Variants in SLC1A4 observed in about 807,000 individuals in gnomAD.
SLC1A4 encodes neutral amino acid transporter A.
SLC1A4 carries 19 observed loss-of-function variants against 37.7 expected under a neutral mutation model. The observed-to-expected ratio is 0.50, with a 90% CI of 0.35 to 0.74. SLC1A4 has a LOEUF of 0.74. Among genes scored for constraint, SLC1A4 ranks in the 30% least tolerant of loss-of-function variants. The pLI is 0.01. For synonymous variants in SLC1A4, 299 were observed against 309.8 expected, an observed-to-expected ratio of 0.97 and a Z score of 0.37; for missense variants, 570 against 712.9, an observed-to-expected ratio of 0.80 and a Z score of 2.28.
chr2:65,017,941 C>T, intron 5 of SLC1A4, 130 bp from the exon 6 acceptor site: 1 of 733,922 alleles, frequency 1.4e-6, no homozygotes, highest in Non-Finnish European at 2.2e-6. Flanking sequence ...TGTTTTTTCC[C>T]TTATTTCAAG....
intron 1 of SLC1A4, among the ~76,000 whole-genome samples, chr2:64,997,785 TA>T (rs1673315272): frequency 6.6e-6 from 1 of 152,216 alleles, no homozygotes; most frequent in African/African-American, 2.4e-5. Context: ...TGCAGGCATA[TA>T]TTTTTATATT....
At chr2:64,997,034 G>C (rs567559993) in intron 1 of SLC1A4, among the ~76,000 whole-genome samples, 2 of 152,264 alleles carry the variant, frequency 1.3e-5, no homozygotes, top group Non-Finnish European at 2.9e-5. Flanking sequence ...GTAGAGGACA[G>C]AGAAACATGT....
At chr2:65,001,267 T>C (rs1673447331) in intron 1 of SLC1A4, 181 bp from the exon 2 acceptor site, 1 of 595,844 alleles carries the variant, frequency 1.7e-6, no homozygotes, top group South Asian at 2.0e-5. Context: ...ACAGGTACCA[T>C]GGCTCACGCC....
Position 65,018,048 on chromosome 2 carries a change from C to A in SLC1A4, c.1035-23C>A. ...TGCCTCGGACTGTTGTCATGTCTGG[C>A]GGTTTGTTTTTCCCATTTCTAGCTC... On this transcript the variant is annotated intron_variant, in intron 5 of 7. Transcript: ENST00000234256. The surrounding 1 kb of genome is among the most constrained non-coding windows in gnomAD (Gnocchi z 4.3). The A allele has an allele frequency of 6.2e-7, 1 of 1,605,450 alleles. No homozygotes were observed. Among genetic ancestry groups the A allele is most frequent in the South Asian group, 1.1e-5 (1 of 90,716 alleles).
chr2:65,019,163 G>A (rs1043647279), intron 7 of SLC1A4, among the ~76,000 whole-genome samples: 6 of 152,192 alleles, frequency 3.9e-5, no homozygotes, highest in African/African-American at 1.4e-4. Flanking sequence ...AAGAAGGTGT[G>A]ATCCAGACCA....
At chr2:65,005,694 TA>T (rs200208028) in intron 3 of SLC1A4, among the ~76,000 whole-genome samples, 3 of 140,306 alleles carry the variant, frequency 2.1e-5, no homozygotes, top group Admixed American at 1.5e-4. Context: ...TTGACCAGTT[TA>T]AAAAAAACTA....
At chr2:65,005,298 C>T (rs1005146794) in intron 3 of SLC1A4, among the ~76,000 whole-genome samples, 4 of 152,216 alleles carry the variant, frequency 2.6e-5, no homozygotes, top group African/African-American at 9.6e-5. Flanking sequence ...ACACCACAAT[C>T]ATTATGACAA....
Position 65,006,448 on chromosome 2 carries a change from T to A in SLC1A4, c.633+2433T>A, listed in dbSNP as rs938856655. Reference sequence around the variant, plus strand: ...TGGAGGTTGCAGTGAGCTGAGATTCTGCCACTGCACTCCAGCCTGGGCAAC... The same window carrying A: ...TGGAGGTTGCAGTGAGCTGAGATTCAGCCACTGCACTCCAGCCTGGGCAAC... On this transcript the variant is annotated intron_variant, in intron 3 of 7. Coordinates refer to ENST00000234256, the MANE Select transcript of SLC1A4 (RefSeq NM_003038.5). Among the ~76,000 whole-genome samples the A allele has an allele frequency of 6.6e-5, 10 of 152,134 alleles. No individual in the cohort carries two copies. The South Asian group carries it at 8.3e-4, about 13-fold the overall frequency.
intron 2 of SLC1A4, among the ~76,000 whole-genome samples, chr2:65,002,570 CTTTTTTTTT>C (rs70937394): frequency 1.7e-5 from 1 of 59,048 alleles, no homozygotes; most frequent in Admixed American, 2.7e-4. Context: ...TGTGACCATT[CTTTTTTTTT>C]TTTTTTTTTT....
At chr2:65,001,263 A>G (rs1673447002) in intron 1 of SLC1A4, 185 bp from the exon 2 acceptor site, 5 of 591,442 alleles carry the variant, frequency 8.5e-6, no homozygotes, top group South Asian at 8.0e-5. Flanking sequence ...GAAGACAGGT[A>G]CCATGGCTCA....
chr2:65,018,728 C>T lies in SLC1A4; in HGVS notation c.1364+49C>T. On this transcript the variant is annotated intron_variant, in intron 7 of 7. Transcript: ENST00000234256. This position sits in a 1 kb window ranked among gnomAD's most constrained non-coding sequence, Gnocchi z 4.3. ...CCAAAAAGAGTCTGCACTGAGTTCC[C>T]TAGGAGCTTAGCACTGCTGGGCCTG... is the stretch of plus-strand genomic sequence containing the variant. 6.2e-7 allele frequency: 1 copy of T among 1,606,922 alleles called. No individual in the cohort carries two copies.
intron 3 of SLC1A4, among the ~76,000 whole-genome samples, chr2:65,005,411 C>T (rs1673635530): frequency 6.6e-6 from 1 of 152,164 alleles, no homozygotes; most frequent in Non-Finnish European, 1.5e-5. Flanking sequence ...AAATGGAGGT[C>T]ACTTCACTCT....
Position 65,021,097 on chromosome 2 carries a change from GC to G in SLC1A4, c.1554del (p.Val519TrpfsTer60). On this transcript the variant is annotated frameshift_variant, in exon 8 of 8. Coordinates refer to ENST00000234256, the MANE Select transcript of SLC1A4 (RefSeq NM_003038.5). LOFTEE classifies it high-confidence loss of function. Reference protein sequence around the residue: ...SPLVTHQNPAGPVASAPELES... With the variant: ...SPLVTHQNPAXPVASAPELES... ...CTGGTGACACACCAGAACCCCGCTG[GC>G]CCCGTGGCCAGTGCCCCAGAACTGG... 6.2e-7 allele frequency: 1 copy of G among 1,614,200 alleles called. No homozygotes were observed. Among genetic ancestry groups the G allele is most frequent in the Non-Finnish European group, 8.5e-7 (1 of 1,180,034 alleles).
rs774298660 is a variant in SLC1A4 at position 65,021,420 on chromosome 2, G to A, written c.*274G>A. On this transcript the variant is annotated 3_prime_UTR_variant, in exon 8 of 8. Coordinates refer to ENST00000234256, the MANE Select transcript of SLC1A4 (RefSeq NM_003038.5). ...GGGATCTGTTTGGAAACAACCCCTT[G>A]AGCTGCCAGGCTCAAGAAATCATGG... The A allele has an allele frequency of 1.1e-5, 5 of 455,450 alleles. No homozygotes were observed. The highest frequency in any genetic ancestry group is 2.0e-5 in the Non-Finnish European group (5 of 252,950). The allele number at this position is 455,450 out of a possible 1,614,324, so 28.2% of individuals were successfully genotyped here.
chr2:64,999,840 G>A (rs932075161), intron 1 of SLC1A4: 1 of 151,944 alleles, frequency 6.6e-6, no homozygotes, highest in Non-Finnish European at 1.5e-5. Flanking sequence ...CACAATGGAA[G>A]CTACAACCTT....
chr2:65,004,971 A>C (rs1226117114), intron 3 of SLC1A4, among the ~76,000 whole-genome samples: 1 of 152,242 alleles, frequency 6.6e-6, no homozygotes, highest in Non-Finnish European at 1.5e-5. Context: ...TATGTCTCAT[A>C]CTAGTGACCT....
intron 2 of SLC1A4, among the ~76,000 whole-genome samples, chr2:65,002,601 A>G (rs113240953): frequency 0.13 from 12,344 of 97,818 alleles, 1,823 homozygotes; most frequent in East Asian, 0.44. Flanking sequence ...TTTTTGAGAC[A>G]GAGTCTCACT....
At chr2:64,988,599 A>T (rs527271267), upstream of SLC1A4, 3 of 152,452 alleles carry the variant, frequency 2.0e-5, no homozygotes, top group Admixed American at 1.3e-4. Context: ...TTGGTGGCAC[A>T]GCGAGCCCCC....
chr2:65,010,900 G>C (rs982745813), intron 4 of SLC1A4, 137 bp downstream of exon 4: 2 of 849,708 alleles, frequency 2.4e-6, no homozygotes, highest in African/African-American at 3.4e-5. Context: ...CATGAGCCAG[G>C]CTTGGTACAG....
Sources: allele counts gnomAD v4.1 joint callset (sites outside exome capture counted in the v4.1 genomes callset), GRCh38; gene constraint gnomAD v4.1.1; non-coding constraint Gnocchi (gnomAD v3.1); transcripts MANE v1.5; gene names NCBI Gene and HGNC (gene_info 2026-07-23, HGNC 2026-07-21).